RNF17: variants seen among roughly 807,000 people sequenced by gnomAD.
RNF17 encodes the protein spermatogenesis associated 23.
Under a neutral mutation model 200.5 loss-of-function variants are expected in RNF17, and 31 were observed. The observed-to-expected ratio is 0.15, with a 90% confidence interval of 0.12 to 0.21. RNF17 has a LOEUF of 0.21. Among genes scored for constraint, RNF17 ranks in the 10% least tolerant of loss-of-function variants. The probability of loss-of-function intolerance (pLI) is 1.00; values close to 1 mark genes in which losing one functional copy is unlikely to be tolerated. For missense variants in RNF17, 1,628 were observed against 1,905.1 expected (o/e 0.85, Z 2.71); for synonymous variants, 606 against 637.8 (o/e 0.95, Z 0.75).
chr13:24,844,561 C>A, intron 20 of RNF17, 91 bp from the exon 21 acceptor site: 2 of 1,009,108 alleles, frequency 2.0e-6, no homozygotes, highest in Non-Finnish European at 1.5e-6. Flanking sequence ...TTGGCTGGAG[C>A]GGAATGAGCA....
chr13:24,763,039 T>C (rs1878935452), upstream of RNF17, among the ~76,000 whole-genome samples: 1 of 152,194 alleles, frequency 6.6e-6, no homozygotes, highest in African/African-American at 2.4e-5. Flanking sequence ...TTCTTTATTC[T>C]TGGAATCCCT....
At chr13:24,821,047 G>C (rs531195239) in intron 15 of RNF17, among the ~76,000 whole-genome samples, 18 of 152,224 alleles carry the variant, frequency 1.2e-4, no homozygotes, top group Non-Finnish European at 1.9e-4. Context: ...TTTCTTCTGA[G>C]GGGTTTGAGG....
At chr13:24,886,203 T>C in the RNF17 span, 2 of 719,944 alleles carry the variant, frequency 2.8e-6, no homozygotes, top group Admixed American at 2.3e-5. Flanking sequence ...TTTCATCCTA[T>C]GTGCCAATGG....
At chr13:24,771,323 C>CTTTTTTTTTTTTTTTTTTT (rs35220494) in intron 2 of RNF17, among the ~76,000 whole-genome samples, 1 of 78,018 alleles carries the variant, frequency 1.3e-5, no homozygotes, top group African/African-American at 4.6e-5. Context: ...CACAGATAAT[C>CTTTTTTTTTTTTTTTTTTT]TTTTTTTTTT....
chr13:24,804,280 T>C lies in RNF17; in HGVS notation c.1950-8T>C, dbSNP rs1885592484. 1 of 1,610,684 alleles carries C rather than the reference T, an allele frequency of 6.2e-7. No individual in the cohort carries two copies. The highest frequency in any genetic ancestry group is 1.1e-5 in the South Asian group (1 of 90,736). Reference sequence around the variant, plus strand: ...CCTGCTTACGCTTTTCATTATGCTTTTAATTAGGTTTAAGTCACAATCACT... The same window carrying C: ...CCTGCTTACGCTTTTCATTATGCTTCTAATTAGGTTTAAGTCACAATCACT... On this transcript the variant is annotated splice_polypyrimidine_tract_variant and splice_region_variant and intron_variant, in intron 14 of 35. Coordinates refer to ENST00000255324, the MANE Select transcript of RNF17 (RefSeq NM_031277.3).
intron 30 of RNF17, among the ~76,000 whole-genome samples, chr13:24,866,753 G>GAT (rs1555289721): frequency 7.4e-4 from 4 of 5,420 alleles, no homozygotes; most frequent in African/African-American, 9.6e-4. Context: ...TTTTTATGTA[G>GAT]ACATGTTTTC....
intron 25 of RNF17, among the ~76,000 whole-genome samples, chr13:24,856,024 C>T (rs1892443898): frequency 6.6e-6 from 1 of 152,188 alleles, no homozygotes; most frequent in African/African-American, 2.4e-5. Context: ...CTCTTAGTTT[C>T]TTACTTGTCT....
At chr13:24,881,323 T>G (rs932250706), downstream of RNF17, among the ~76,000 whole-genome samples, 2 of 151,952 alleles carry the variant, frequency 1.3e-5, no homozygotes, top group Admixed American at 1.3e-4. Context: ...GTATTTTTAG[T>G]AGAGACGGGG....
intron 23 of RNF17, 23 bp from the exon 24 acceptor site, chr13:24,851,433 A>C (rs1390362895): frequency 6.7e-7 from 1 of 1,491,148 alleles, no homozygotes; most frequent in African/African-American, 1.4e-5. Flanking sequence ...TTTCATATTT[A>C]CTCTGCTCTT....
In RNF17 at chr13:24,856,991, A is replaced by G. The variant is rs80322863; in HGVS notation, c.3611-2010A>G. Among the ~76,000 whole-genome samples, 811 of 152,258 alleles carry G rather than the reference A, an allele frequency of 5.3e-3. 22 individuals are homozygous for G. The East Asian group carries it at 0.081, about 15-fold the overall frequency. The stretch of plus-strand genomic sequence containing the variant: ...TGAGGAAAGGTGACTTTTTTGAGAA[A>G]CGCTCCAAACCCCATGGCTTTGGAA... On this transcript the variant is annotated intron_variant, in intron 25 of 35. Transcript: ENST00000255324.
chr13:24,789,709 A>G lies in RNF17; in HGVS notation c.872A>G (p.Asn291Ser). The change falls in exon 9 of 36, where the codon AAT (asparagine) becomes AGT (serine). Residue 291 changes from asparagine to serine, a missense_variant. Asn to Ser is a conservative substitution (Grantham distance 46, BLOSUM62 1). Transcript: ENST00000255324. ...ATGTTTTATTATAGGTTGAGTGTGA[A>G]TTGCAGTGAGATCATCTGTATGTTC... ...QLRNPPRLSV[N>S]CSEIICMFNN... is the part of the protein sequence containing the mutation. The G allele has an allele frequency of 6.3e-7, 1 of 1,590,586 alleles. No individual in the cohort carries two copies. Among genetic ancestry groups the G allele is most frequent in the South Asian group, 1.1e-5 (1 of 90,440 alleles).
At chr13:24,823,020 G>T (rs1405697344) in intron 15 of RNF17, among the ~76,000 whole-genome samples, 1 of 152,098 alleles carries the variant, frequency 6.6e-6, no homozygotes, top group Admixed American at 6.5e-5. Flanking sequence ...TGTAAGGCAG[G>T]TATAGTGGTG....
the RNF17 span, among the ~76,000 whole-genome samples, chr13:24,757,619 T>G: frequency 6.6e-6 from 1 of 152,338 alleles, no homozygotes; most frequent in East Asian, 1.9e-4. Flanking sequence ...CCACTGTGCC[T>G]GGCCGACAAT....
intron 2 of RNF17, among the ~76,000 whole-genome samples, chr13:24,771,690 A>G (rs143470716): frequency 1.1e-4 from 17 of 147,992 alleles, no homozygotes; most frequent in African/African-American, 3.8e-4. Context: ...AGTTATATAT[A>G]TATATCTTCA....
intron 10 of RNF17, among the ~76,000 whole-genome samples, chr13:24,793,804 T>C (rs1416076653): frequency 6.6e-6 from 1 of 152,206 alleles, no homozygotes; most frequent in Non-Finnish European, 1.5e-5. Context: ...GATTAGATTT[T>C]CAATGTCAGT....
At chr13:24,817,152 T>C (rs1887503899) in intron 15 of RNF17, among the ~76,000 whole-genome samples, 1 of 152,204 alleles carries the variant, frequency 6.6e-6, no homozygotes, top group African/African-American at 2.4e-5. Context: ...TATTCCTCCA[T>C]CTTTTTGTTT....
intron 34 of RNF17, among the ~76,000 whole-genome samples, chr13:24,877,663 G>A (rs1021952179): frequency 1.3e-5 from 2 of 152,182 alleles, no homozygotes; most frequent in African/African-American, 4.8e-5. Context: ...AGTAAAACAG[G>A]AATGTGGCAT....
intron 15 of RNF17, chr13:24,824,072 T>G: frequency 1.5e-6 from 1 of 648,276 alleles, no homozygotes; most frequent in Middle Eastern, 3.9e-4. Context: ...CCAAGACCAT[T>G]GTCATTCTGG....
chr13:24,806,956 T>A (rs1302230105), intron 15 of RNF17, among the ~76,000 whole-genome samples: 5 of 151,946 alleles, frequency 3.3e-5, no homozygotes, highest in Admixed American at 2.0e-4. Context: ...GTTTCATCCA[T>A]GTCCCTACAA....
Sources: gnomAD v4.1 joint callset for allele counts (sites outside exome capture counted in the v4.1 genomes callset) on GRCh38, gnomAD v4.1.1 for gene constraint, MANE v1.5 for transcripts, NCBI Gene and HGNC (gene_info 2026-07-23, HGNC 2026-07-21) for gene names.